Variants in PRM2 observed in about 807,000 individuals in gnomAD.
The protein encoded by PRM2 is protamine 2.
In PRM2, 6 loss-of-function variants were observed where a neutral mutation model predicts 10.7. The observed-to-expected ratio is 0.56, with a 90% CI of 0.31 to 1.11. The LOEUF (loss-of-function observed/expected upper bound fraction) is 1.11, where lower values mean the gene tolerates loss of function less well. Ranked by LOEUF, PRM2 falls within the 50% of genes least tolerant of loss-of-function variation. The pLI, the probability that PRM2 is intolerant of heterozygous loss-of-function variation, is 0.06. For synonymous variants in PRM2, 64 were observed against 54.8 expected (o/e 1.17, Z -0.74); for missense variants, 194 against 147.7 (o/e 1.31, Z -1.62).
At position 11,276,336 on chromosome 16, in the gene PRM2, C is replaced by G. The variant is rs377249681; in HGVS notation, c.35G>C (p.Arg12Pro). 7.4e-6 allele frequency: 12 copies of G among 1,614,134 alleles called. No individual in the cohort carries two copies. The highest frequency in any genetic ancestry group is 5.9e-6 in the Non-Finnish European group (7 of 1,180,048). Reference sequence around the variant, plus strand: ...CTGCTGCCTGTACACCTCGTGCGAGCGTTCGCTCAGGCTCCTCACGCGGTA... The same window carrying G: ...CTGCTGCCTGTACACCTCGTGCGAGGGTTCGCTCAGGCTCCTCACGCGGTA... ...VRYRVRSLSE[R>P]SHEVYRQQLH... is the part of the protein sequence containing the mutation. Residue 12 changes from arginine to proline, a missense_variant, in exon 1 of 2, where the codon CGC becomes CCC. Arg to Pro is a moderately radical substitution (Grantham distance 103). Transcript: ENST00000241808.
In PRM2 at chr16:11,275,903, G is replaced by A. The variant is rs1045099565; in HGVS notation, c.306C>T (p.His102=). Residue 102 remains histidine, a synonymous_variant, in exon 2 of 2, where the codon CAC becomes CAT. Transcript: ENST00000241808. ...CRTRKRTCRR[H] is the part of the protein sequence containing the mutation. ...GGGGGTGAGGGGCCCAGGAAGCTTA[G>A]TGCCTTCTGCATGTTCTCTTCCTGG... The A allele has an allele frequency of 2.5e-6, 4 of 1,613,964 alleles. No individual in the cohort carries two copies. Among genetic ancestry groups the A allele is most frequent in the Admixed American group, 3.3e-5 (2 of 60,006 alleles).
rs533456894 is a variant in PRM2, at chr16:11,276,046, C to T, written c.271+54G>A. 1.0e-4 allele frequency: 164 copies of T among 1,610,886 alleles called. No individual in the cohort carries two copies. The African/African-American group carries it at 1.9e-3, about 19-fold the overall frequency. ...AGGTGGGGTGGGTCCCCGCCTCCCT[C>T]CTGTGCCTGGGGTGGTCAGGGACAT... On this transcript the variant is annotated intron_variant, in intron 1 of 1. Coordinates refer to ENST00000241808, the MANE Select transcript of PRM2 (RefSeq NM_002762.4).
Position 11,276,149 on chromosome 16 carries a change from G to A in PRM2, c.222C>T (p.Cys74=). The A allele has an allele frequency of 6.2e-7, 1 of 1,613,652 alleles. No individual in the cohort carries two copies. Among genetic ancestry groups the A allele is most frequent in the South Asian group, 1.1e-5 (1 of 91,088 alleles). The stretch of plus-strand genomic sequence containing the variant: ...TGCAGGAGCGTCTTTTGCGCCTTCT[G>A]CAGGAGCGATGCTGCCGCCTGTGGA... ...HRIHRRQHRS[C]RRRKRRSCRH... is the part of the protein sequence containing the mutation. Residue 74 remains cysteine, a synonymous_variant, in exon 1 of 2, where the codon TGC becomes TGT. Transcript: ENST00000241808.
chr16:11,275,677 G>A lies in PRM2; in HGVS notation c.*223C>T, dbSNP rs424908. 0.99 allele frequency: 1,116,156 copies of A among 1,124,312 alleles called. 554,475 individuals are homozygous for A. The highest frequency in any genetic ancestry group is 1 in the East Asian group (38,813 of 38,814). The allele number at this position is 1,124,312 out of a possible 1,614,324, so 69.6% of individuals were successfully genotyped here. ...TTTATTGGGCAGGTGACTTTTGCTC[G>A]TTTCACTCAGATCTTGTGGGCTTCT... On this transcript the variant is annotated 3_prime_UTR_variant, in exon 2 of 2. Coordinates refer to ENST00000241808, the MANE Select transcript of PRM2 (RefSeq NM_002762.4).
Position 11,276,195 on chromosome 16 carries a change from G to T in PRM2, c.176C>A (p.Ser59Tyr), listed in dbSNP as rs754479742. 12 of 1,614,166 alleles carry T rather than the reference G, an allele frequency of 7.4e-6. No individual in the cohort carries two copies. Among genetic ancestry groups the T allele is most frequent in the Non-Finnish European group, 1.0e-5 (12 of 1,180,038 alleles). ...GQSHYRRRHC[S>Y]RRRLHRIHRR... Reference sequence around the variant, plus strand: ...GTGGATCCGGTGCAGCCTCCTTCGAGAGCAGTGTCTGCGCCTATAGTGAGA... The same window carrying T: ...GTGGATCCGGTGCAGCCTCCTTCGATAGCAGTGTCTGCGCCTATAGTGAGA... The change falls in exon 1 of 2, where the codon TCT becomes TAT. Residue 59 changes from serine to tyrosine, a missense_variant. By Grantham distance (144) the Ser-to-Tyr change is moderately radical. Transcript: ENST00000241808.
In PRM2 at chr16:11,275,792, TC is replaced by T; in HGVS notation, c.*107del. 6.3e-7 allele frequency: 1 copy of T among 1,587,964 alleles called. No homozygotes were observed. The highest frequency in any genetic ancestry group is 8.6e-7 in the Non-Finnish European group (1 of 1,168,360). ...TTGGGCAGGTGACTTTCTCTTAACT[TC>T]CAGCTGGGGGCTTGAGCATTTGATG... On this transcript the variant is annotated 3_prime_UTR_variant, in exon 2 of 2. Transcript: ENST00000241808.
chr16:11,275,966 G>C, intron 1 of PRM2, 29 bp from the exon 2 acceptor site: 2 of 1,614,002 alleles, frequency 1.2e-6, no homozygotes, highest in East Asian at 4.5e-5. Context: ...CTGGTTGAGG[G>C]GGTCACCTAG....
rs201828812 is a variant in PRM2, at chr16:11,276,239, G to A, written c.132C>T (p.Tyr44=). The A allele has an allele frequency of 5.8e-5, 93 of 1,614,254 alleles. No individual in the cohort carries two copies. Among genetic ancestry groups the A allele is most frequent in the Admixed American group, 1.5e-4 (9 of 60,032 alleles). ...AGTGAGACTGGCCATGGGTCCTCTCGTAGACCTCGACGTGCTCCGGGCTCA... is the reference window on the plus strand; with the variant it reads ...AGTGAGACTGGCCATGGGTCCTCTCATAGACCTCGACGTGCTCCGGGCTCA... The part of the protein sequence containing the change: ...QGLSPEHVEV[Y]ERTHGQSHYR... The change falls in exon 1 of 2, where the codon TAC becomes TAT. Residue 44 remains tyrosine (Y), a synonymous_variant. Coordinates refer to ENST00000241808, the MANE Select transcript of PRM2 (RefSeq NM_002762.4).
At position 11,276,373 on chromosome 16, in the gene PRM2, T is replaced by C; in HGVS notation, c.-3A>G. 6.2e-7 allele frequency: 1 copy of C among 1,614,048 alleles called. No homozygotes were observed. The highest frequency in any genetic ancestry group is 8.5e-7 in the Non-Finnish European group (1 of 1,179,948). ...CTCCTCACGCGGTATCGGACCATGG[T>C]GTTGGGAGATCTGGTGGCTCCTGGG... On this transcript the variant is annotated 5_prime_UTR_variant, in exon 1 of 2. Transcript: ENST00000241808.
rs568280197 is a variant in PRM2, at chr16:11,275,703, C to T, written c.*197G>A. The T allele has an allele frequency of 1.7e-5, 23 of 1,337,230 alleles. No homozygotes were observed. The South Asian group carries it at 1.8e-4, about 11-fold the overall frequency. 82.8% of individuals were successfully genotyped at this position (1,337,230 alleles called of 1,614,324 possible). On this transcript the variant is annotated 3_prime_UTR_variant, in exon 2 of 2. Transcript: ENST00000241808. Reference sequence around the variant, plus strand: ...TTTCACTCAGATCTTGTGGGCTTCTCGGCGGCAACTCAGGGCTTGAGCATT... The same window carrying T: ...TTTCACTCAGATCTTGTGGGCTTCTTGGCGGCAACTCAGGGCTTGAGCATT...
In PRM2 at chr16:11,276,157, G is replaced by C. The variant is rs756477196; in HGVS notation, c.214C>G (p.Arg72Gly). 2 of 1,613,812 alleles carry C rather than the reference G, an allele frequency of 1.2e-6. No homozygotes were observed. Among genetic ancestry groups the C allele is most frequent in the Non-Finnish European group, 1.7e-6 (2 of 1,180,034 alleles). Residue 72 changes from arginine (R) to glycine (G), a missense_variant, in exon 1 of 2, where the codon CGC becomes GGC. Coordinates refer to ENST00000241808, the MANE Select transcript of PRM2 (RefSeq NM_002762.4). The stretch of plus-strand genomic sequence containing the variant: ...CGTCTTTTGCGCCTTCTGCAGGAGC[G>C]ATGCTGCCGCCTGTGGATCCGGTGC... ...RLHRIHRRQH[R>G]SCRRRKRRSC...
intron 1 of PRM2, 64 bp downstream of exon 1, chr16:11,276,036 C>A (rs2069855558): frequency 1.9e-6 from 3 of 1,609,844 alleles, no homozygotes; most frequent in Admixed American, 3.4e-5. Flanking sequence ...GGGTGGGTCC[C>A]CGCCTCCCTC....
chr16:11,276,214 A>G lies in PRM2; in HGVS notation c.157T>C (p.Tyr53His), dbSNP rs909941950. ...CTTCGAGAGCAGTGTCTGCGCCTAT[A>G]GTGAGACTGGCCATGGGTCCTCTCG... The part of the protein sequence containing the change: ...VYERTHGQSH[Y>H]RRRHCSRRRL... Residue 53 changes from tyrosine to histidine, a missense_variant, in exon 1 of 2, where the codon TAT (tyrosine) becomes CAT (histidine). Physicochemically the swap from Tyr to His is moderately conservative, Grantham distance 83. Transcript: ENST00000241808. The G allele has an allele frequency of 3.1e-6, 5 of 1,614,194 alleles. No homozygotes were observed. Among genetic ancestry groups the G allele is most frequent in the Non-Finnish European group, 4.2e-6 (5 of 1,180,030 alleles).
Position 11,276,330 on chromosome 16 carries a change from T to C in PRM2, c.41A>G (p.His14Arg), listed in dbSNP as rs149233606. 12 of 1,614,122 alleles carry C rather than the reference T, an allele frequency of 7.4e-6. No homozygotes were observed. The highest frequency in any genetic ancestry group is 1.0e-5 in the Non-Finnish European group (12 of 1,180,038). The stretch of plus-strand genomic sequence containing the variant: ...ATGCAACTGCTGCCTGTACACCTCG[T>C]GCGAGCGTTCGCTCAGGCTCCTCAC... The part of the protein sequence containing the change: ...YRVRSLSERS[H>R]EVYRQQLHGQ... The change falls in exon 1 of 2, where the codon CAC (histidine) becomes CGC (arginine). Residue 14 changes from histidine (H) to arginine (R), a missense_variant. Coordinates refer to ENST00000241808, the MANE Select transcript of PRM2 (RefSeq NM_002762.4).
Position 11,275,878 on chromosome 16 carries a change from G to T in PRM2, c.*22C>A, listed in dbSNP as rs1597705202. The T allele has an allele frequency of 6.2e-7, 1 of 1,614,004 alleles. No homozygotes were observed. The highest frequency in any genetic ancestry group is 8.5e-7 in the Non-Finnish European group (1 of 1,180,010). ...GGCGACTTTTTCTTAATTTCCAGCT[G>T]GGGGTGAGGGGCCCAGGAAGCTTAG... is the stretch of plus-strand genomic sequence containing the variant. On this transcript the variant is annotated 3_prime_UTR_variant, in exon 2 of 2. Transcript: ENST00000241808.
At position 11,276,216 on chromosome 16, in the gene PRM2, T is replaced by C; in HGVS notation, c.155A>G (p.His52Arg). Residue 52 changes from histidine (H) to arginine (R), a missense_variant, in exon 1 of 2, where the codon CAC becomes CGC. Transcript: ENST00000241808. Reference sequence around the variant, plus strand: ...TCGAGAGCAGTGTCTGCGCCTATAGTGAGACTGGCCATGGGTCCTCTCGTA... The same window carrying C: ...TCGAGAGCAGTGTCTGCGCCTATAGCGAGACTGGCCATGGGTCCTCTCGTA... ...EVYERTHGQS[H>R]YRRRHCSRRR... is the part of the protein sequence containing the mutation. 1 of 1,613,970 alleles carries C rather than the reference T, an allele frequency of 6.2e-7. No homozygotes were observed. Among genetic ancestry groups the C allele is most frequent in the Non-Finnish European group, 8.5e-7 (1 of 1,179,790 alleles).
At position 11,275,664 on chromosome 16, in the gene PRM2, G is replaced by T; in HGVS notation, c.*236C>A. 2.1e-6 allele frequency: 2 copies of T among 950,524 alleles called. No homozygotes were observed. The highest frequency in any genetic ancestry group is 3.1e-6 in the Non-Finnish European group (2 of 640,826). The allele number at this position is 950,524 out of a possible 1,614,324, so 58.9% of individuals were successfully genotyped here. A position where few individuals can be genotyped will look rare whatever the true frequency, so the allele number is the denominator to read the frequency against. ...TGTCTTGTCAAGCTTTATTGGGCAG[G>T]TGACTTTTGCTCGTTTCACTCAGAT... On this transcript the variant is annotated 3_prime_UTR_variant, in exon 2 of 2. Coordinates refer to ENST00000241808, the MANE Select transcript of PRM2 (RefSeq NM_002762.4).
At position 11,275,651 on chromosome 16, in the gene PRM2, C is replaced by A; in HGVS notation, c.*249G>T. 2 of 865,522 alleles carry A rather than the reference C, an allele frequency of 2.3e-6. No homozygotes were observed. The highest frequency in any genetic ancestry group is 3.5e-6 in the Non-Finnish European group (2 of 569,096). 53.6% of individuals were successfully genotyped at this position (865,522 alleles called of 1,614,324 possible). A position where few individuals can be genotyped will look rare whatever the true frequency, so the allele number is the denominator to read the frequency against. On this transcript the variant is annotated 3_prime_UTR_variant, in exon 2 of 2. Transcript: ENST00000241808. The stretch of plus-strand genomic sequence containing the variant: ...ACAGGCCAGCGAGTGTCTTGTCAAG[C>A]TTTATTGGGCAGGTGACTTTTGCTC...
Position 11,275,833 on chromosome 16 carries a change from T to C in PRM2, c.*67A>G, listed in dbSNP as rs2069847452. The C allele has an allele frequency of 6.2e-7, 1 of 1,611,516 alleles. No individual in the cohort carries two copies. Among genetic ancestry groups the C allele is most frequent in the Non-Finnish European group, 8.5e-7 (1 of 1,179,346 alleles). On this transcript the variant is annotated 3_prime_UTR_variant, in exon 2 of 2. Coordinates refer to ENST00000241808, the MANE Select transcript of PRM2 (RefSeq NM_002762.4). ...AGCATTTGATGTAGGGGAATTGCTA[T>C]GGCCTCACTTGGTGTTTCGGGCGAC... is the stretch of plus-strand genomic sequence containing the variant.
Sources: allele counts gnomAD v4.1 joint callset, GRCh38; gene constraint gnomAD v4.1.1; transcripts MANE v1.5; gene names NCBI Gene and HGNC (gene_info 2026-07-23, HGNC 2026-07-21).